Variants in PGBD5 observed in about 807,000 individuals in gnomAD.
PGBD5 encodes the protein piggyBac transposable element derived 5.
In PGBD5, 14 loss-of-function variants were observed where a neutral mutation model predicts 47.9. That is an observed-to-expected ratio of 0.29 (90% confidence interval 0.19 to 0.46). The LOEUF (loss-of-function observed/expected upper bound fraction) is 0.46, where lower values mean the gene tolerates loss of function less well. Ranked by LOEUF, PGBD5 falls within the 20% of genes least tolerant of loss-of-function variation. The pLI, the probability that PGBD5 is intolerant of heterozygous loss-of-function variation, is 1.00. For missense variants in PGBD5, 635 were observed against 716.0 expected (o/e 0.89, Z 1.29); for synonymous variants, 316 against 306.3 (o/e 1.03, Z -0.33).
chr1:230,375,810 G>GTT lies in PGBD5; in HGVS notation c.332-18491_332-18490dup, dbSNP rs533143203. On this transcript the variant is annotated intron_variant, in intron 1 of 6. Coordinates refer to ENST00000391860, the MANE Select transcript of PGBD5 (RefSeq NM_001258311.2). ...AGCTGTCAGGAGCACTTCTACAGTT[G>GTT]TTTTTTTTGTTTTGTTTTGTTTTGT... 4.5e-4 allele frequency among the ~76,000 whole-genome samples: 68 copies of GTT among 151,486 alleles called. No homozygotes were observed. In the South Asian group the frequency reaches 6.1e-3, roughly 14 times the overall value.
At position 230,394,445 on chromosome 1, in the gene PGBD5, C is replaced by T. The variant is rs548114925; in HGVS notation, c.331+31153G>A. ...CCACCTCTGCTCCCCAAGCCCCTCCCTGTGCTGCTCCTCCCCCTAGTTGGC... is the reference window on the plus strand; with the variant it reads ...CCACCTCTGCTCCCCAAGCCCCTCCTTGTGCTGCTCCTCCCCCTAGTTGGC... On this transcript the variant is annotated intron_variant, in intron 1 of 6. Transcript: ENST00000391860. 5.4e-5 allele frequency among the ~76,000 whole-genome samples: 8 copies of T among 147,446 alleles called. No homozygotes were observed. The South Asian group carries it at 1.8e-3, about 33-fold the overall frequency.
chr1:230,387,002 CT>C (rs1353206290), intron 1 of PGBD5, among the ~76,000 whole-genome samples: 3 of 152,202 alleles, frequency 2.0e-5, no homozygotes, highest in African/African-American at 4.8e-5. Context: ...TGATGTGTCC[CT>C]GCTACTTTAG....
intron 1 of PGBD5, among the ~76,000 whole-genome samples, chr1:230,404,783 A>C (rs1234346579): frequency 2.0e-5 from 3 of 151,400 alleles, no homozygotes; most frequent in Non-Finnish European, 4.4e-5. Flanking sequence ...AAAATACAAA[A>C]TTAGCTGGGC....
intron 1 of PGBD5, among the ~76,000 whole-genome samples, chr1:230,416,710 G>A (rs1003553002): frequency 6.6e-6 from 1 of 152,236 alleles, no homozygotes; most frequent in Non-Finnish European, 1.5e-5. Flanking sequence ...TGACAATAGA[G>A]AGGAAGACCA....
At chr1:230,324,442 T>G (rs1667084741) in intron 6 of PGBD5, among the ~76,000 whole-genome samples, 1 of 152,230 alleles carries the variant, frequency 6.6e-6, no homozygotes, top group African/African-American at 2.4e-5. Flanking sequence ...GAGCACATAG[T>G]GGGCGTTCAA....
intron 1 of PGBD5, among the ~76,000 whole-genome samples, chr1:230,413,582 A>C (rs983046737): frequency 1.3e-5 from 2 of 152,104 alleles, no homozygotes; most frequent in African/African-American, 4.8e-5. Context: ...TAAAAAAGCA[A>C]ATGCAATGGA....
At chr1:230,351,584 T>C (rs1667561428) in intron 2 of PGBD5, among the ~76,000 whole-genome samples, 1 of 152,204 alleles carries the variant, frequency 6.6e-6, no homozygotes. Flanking sequence ...GGGATGTGAC[T>C]TCTGTCCAGT....
intron 1 of PGBD5, chr1:230,377,669 C>A: frequency 6.9e-7 from 1 of 1,452,448 alleles, no homozygotes; most frequent in South Asian, 1.5e-5. Context: ...TAATCCCACA[C>A]AGCCTTCATT....
intron 1 of PGBD5, among the ~76,000 whole-genome samples, chr1:230,401,208 G>A (rs1450080020): frequency 6.6e-6 from 1 of 152,224 alleles, no homozygotes; most frequent in Non-Finnish European, 1.5e-5. Context: ...CTTGGCACCT[G>A]GGTCACCGGC....
intron 1 of PGBD5, among the ~76,000 whole-genome samples, chr1:230,358,537 C>T (rs1310895692): frequency 1.3e-5 from 2 of 151,930 alleles, no homozygotes; most frequent in African/African-American, 4.8e-5. Flanking sequence ...TAGGATAAAA[C>T]CTCACAATTT....
rs1657764674 is a variant in PGBD5 at position 230,425,767 on chromosome 1, G to A, written c.162C>T (p.Ser54=). Residue 54 remains serine (S), a synonymous_variant, in exon 1 of 7, where the codon TCC becomes TCT. Coordinates refer to ENST00000391860, the MANE Select transcript of PGBD5 (RefSeq NM_001258311.2). This position sits in a 1 kb window ranked among gnomAD's most constrained non-coding sequence, Gnocchi z 4.7. ...PFYSTSAASR[S]SSAASSDDER... ...CGTCGTCCGAGGAGGCGGCCGAGGAGGAGCGCGAGGCGGCCGAGGTGCTGT... is the reference window on the plus strand; with the variant it reads ...CGTCGTCCGAGGAGGCGGCCGAGGAAGAGCGCGAGGCGGCCGAGGTGCTGT... The A allele has an allele frequency of 5.0e-6, 6 of 1,207,550 alleles. No homozygotes were observed. The highest frequency in any genetic ancestry group is 4.7e-5 in the African/African-American group (3 of 63,452). 74.8% of individuals were successfully genotyped at this position (1,207,550 alleles called of 1,614,324 possible).
Position 230,332,986 on chromosome 1 carries a change from T to G in PGBD5, c.1131A>C (p.Pro377=), listed in dbSNP as rs1571825769. The change falls in exon 5 of 7, where the codon CCA becomes CCC. Residue 377 remains proline, a synonymous_variant. Transcript: ENST00000391860. ...TGGCTGGGTTGGTCAGCATGGACAG[T>G]GGGAGGCCGGTGCAGTCACTCTTCC... ...RARKSDCTGL[P]LSMLTNPATP... 1 of 1,613,438 alleles carries G rather than the reference T, an allele frequency of 6.2e-7. No homozygotes were observed. The highest frequency in any genetic ancestry group is 2.2e-5 in the East Asian group (1 of 44,848).
At position 230,358,162 on chromosome 1, in the gene PGBD5, C is replaced by T. The variant is rs191265689; in HGVS notation, c.332-841G>A. On this transcript the variant is annotated intron_variant, in intron 1 of 6. Transcript: ENST00000391860. The stretch of plus-strand genomic sequence containing the variant: ...GCACAGCCCCTCCTGTCTCCCGCCA[C>T]GCCATCACACAGGGCTCCTCCCTCC... Among the ~76,000 whole-genome samples, 144 of 152,266 alleles carry T rather than the reference C, an allele frequency of 9.5e-4. 1 individual carries two copies. The East Asian group carries it at 0.019, about 20-fold the overall frequency.
intron 3 of PGBD5, among the ~76,000 whole-genome samples, chr1:230,347,759 G>C (rs1375139236): frequency 6.6e-6 from 1 of 152,116 alleles, no homozygotes; most frequent in Non-Finnish European, 1.5e-5. Context: ...ACAGTAGATA[G>C]TGGCTGGAAG....
At chr1:230,372,995 C>T (rs1199594002) in intron 1 of PGBD5, among the ~76,000 whole-genome samples, 4 of 152,184 alleles carry the variant, frequency 2.6e-5, no homozygotes, top group African/African-American at 9.7e-5. Flanking sequence ...GTAGATAAAG[C>T]CTTCAGGTCC....
chr1:230,405,054 G>C (rs1657268607), intron 1 of PGBD5, among the ~76,000 whole-genome samples: 1 of 151,288 alleles, frequency 6.6e-6, no homozygotes, highest in Non-Finnish European at 1.5e-5. Context: ...AATTAGCTGG[G>C]TGTGGTGGCA....
chr1:230,357,346 G>T lies in PGBD5; in HGVS notation c.332-25C>A. On this transcript the variant is annotated intron_variant, in intron 1 of 6. Transcript: ENST00000391860. The surrounding 1 kb of genome is among the most constrained non-coding windows in gnomAD (Gnocchi z 5.7). ...CCTGAAACCCAAAGACAGGTGGAGT[G>T]TTCCTTAGGACGGCCGCCACACCCT... The T allele has an allele frequency of 2.5e-6, 4 of 1,602,510 alleles. No homozygotes were observed. Among genetic ancestry groups the T allele is most frequent in the South Asian group, 1.1e-5 (1 of 89,182 alleles).
At chr1:230,421,114 G>C (rs1046228751) in intron 1 of PGBD5, among the ~76,000 whole-genome samples, 1 of 152,144 alleles carries the variant, frequency 6.6e-6, no homozygotes, top group Non-Finnish European at 1.5e-5. Flanking sequence ...AAACAGCTCT[G>C]AGTACTCATT....
intron 1 of PGBD5, among the ~76,000 whole-genome samples, chr1:230,365,946 A>G (rs897720726): frequency 6.6e-6 from 1 of 152,266 alleles, no homozygotes; most frequent in Non-Finnish European, 1.5e-5. Context: ...ACAGCAAGAT[A>G]ACAACACAGG....
Sources: allele counts gnomAD v4.1 joint callset (sites outside exome capture counted in the v4.1 genomes callset), GRCh38; gene constraint gnomAD v4.1.1; non-coding constraint Gnocchi (gnomAD v3.1); transcripts MANE v1.5; gene names NCBI Gene and HGNC (gene_info 2026-07-23, HGNC 2026-07-21).